The following CEBPG variants were observed in gnomAD, a reference collection of about 807,000 sequenced individuals.
CEBPG encodes CCAAT/enhancer-binding protein gamma.
Under a neutral mutation model 11.1 loss-of-function variants are expected in CEBPG, and 6 were observed. The ratio of observed to expected loss-of-function variants is 0.54; its 90% CI spans 0.30 to 1.07. The LOEUF (loss-of-function observed/expected upper bound fraction) is 1.07, where lower values mean the gene tolerates loss of function less well. CEBPG is among the 50% of genes least tolerant of loss of function. CEBPG has a pLI of 0.07. For synonymous variants in CEBPG, 66 were observed against 71.0 expected (o/e 0.93, Z 0.36); for missense variants, 161 against 187.4 (o/e 0.86, Z 0.82).
rs1967964321 is a variant in CEBPG at position 33,379,895 on chromosome 19, G to A, written c.*203G>A. The A allele has an allele frequency of 2.1e-6, 1 of 480,620 alleles. No homozygotes were observed. The highest frequency in any genetic ancestry group is 2.0e-5 in the African/African-American group (1 of 50,800). The allele number at this position is 480,620 out of a possible 1,614,324, so 29.8% of individuals were successfully genotyped here. A position where few individuals can be genotyped will look rare whatever the true frequency, so the allele number is the denominator to read the frequency against. On this transcript the variant is annotated 3_prime_UTR_variant, in exon 2 of 2. Coordinates refer to ENST00000284000, the MANE Select transcript of CEBPG (RefSeq NM_001806.4). ...CGAATATCTGGTTTTAAATGATAGA[G>A]GTTTTTGTGGGAATCAAAATCCCCC...
In CEBPG at chr19:33,379,628, C is replaced by G. The variant is rs1845083760; in HGVS notation, c.389C>G (p.Ala130Gly). Residue 130 changes from alanine (A) to glycine (G), a missense_variant, in exon 2 of 2, where the codon GCA (alanine) becomes GGA (glycine). Ala to Gly is a moderately conservative substitution (Grantham distance 60). Coordinates refer to ENST00000284000, the MANE Select transcript of CEBPG (RefSeq NM_001806.4). ...TTTCTTGAGCATGCACACAACCTTG[C>G]AGACAACGTACAGTCCATTAGCACT... ...DLFLEHAHNL[A>G]DNVQSISTEN... 1 of 1,613,972 alleles carries G rather than the reference C, an allele frequency of 6.2e-7. No individual in the cohort carries two copies. Among genetic ancestry groups the G allele is most frequent in the African/African-American group, 1.3e-5 (1 of 74,902 alleles).
chr19:33,378,764 T>C (rs887414774), intron 1 of CEBPG, among the ~76,000 whole-genome samples: 3 of 152,050 alleles, frequency 2.0e-5, no homozygotes, highest in Non-Finnish European at 4.4e-5. Flanking sequence ...TGGAAACTTT[T>C]CCCCCCTTTC....
intron 1 of CEBPG, among the ~76,000 whole-genome samples, chr19:33,375,509 G>A (rs1331528004): frequency 6.6e-6 from 1 of 152,164 alleles, no homozygotes; most frequent in Non-Finnish European, 1.5e-5. Context: ...GTAAAAAAAA[G>A]ACAAAAATGA....
Position 33,379,406 on chromosome 19 carries a change from C to T in CEBPG, c.167C>T (p.Ser56Leu), listed in dbSNP as rs769825804. 1.6e-5 allele frequency: 26 copies of T among 1,613,806 alleles called. No individual in the cohort carries two copies. The African/African-American group carries it at 2.7e-4, about 17-fold the overall frequency. The change falls in exon 2 of 2, where the codon TCG (serine) becomes TTG (leucine). Residue 56 changes from serine to leucine, a missense_variant. Ser to Leu is a moderately radical substitution (Grantham distance 145). Coordinates refer to ENST00000284000, the MANE Select transcript of CEBPG (RefSeq NM_001806.4). Reference protein sequence around the residue: ...VAPSKQSKKSSPMDRNSDEYR... With the variant: ...VAPSKQSKKSLPMDRNSDEYR... ...CCCAGCAAGCAGAGCAAAAAGAGTT[C>T]GCCCATGGATCGAAACAGTGACGAG...
chr19:33,375,511 C>A (rs1337082433), intron 1 of CEBPG, among the ~76,000 whole-genome samples: 1 of 152,110 alleles, frequency 6.6e-6, no homozygotes, highest in Non-Finnish European at 1.5e-5. Flanking sequence ...AAAAAAAAGA[C>A]AAAAATGAGC....
chr19:33,379,048 A>C, intron 1 of CEBPG, 96 bp from the exon 2 acceptor site: 3 of 492,330 alleles, frequency 6.1e-6, no homozygotes, highest in East Asian at 3.2e-5. Context: ...TCTCAGCAGA[A>C]TCAATTAATG....
chr19:33,376,562 T>A (rs1967914328), intron 1 of CEBPG, among the ~76,000 whole-genome samples: 1 of 152,180 alleles, frequency 6.6e-6, no homozygotes, highest in Non-Finnish European at 1.5e-5. Context: ...AAGTTACATT[T>A]CTAAAGAGTT....
At chr19:33,378,915 T>G (rs1384052367) in intron 1 of CEBPG, among the ~76,000 whole-genome samples, 6 of 152,236 alleles carry the variant, frequency 3.9e-5, no homozygotes, top group Non-Finnish European at 2.9e-5. Context: ...AGAGGGGCAG[T>G]GCCCTCAGGG....
chr19:33,379,021 C>T, intron 1 of CEBPG, 123 bp from the exon 2 acceptor site: 1 of 437,068 alleles, frequency 2.3e-6, no homozygotes, highest in East Asian at 3.5e-5. Context: ...GAACAGTTGG[C>T]AGTTGCTGTA....
intron 1 of CEBPG, among the ~76,000 whole-genome samples, chr19:33,378,702 G>T (rs949859763): frequency 5.9e-5 from 9 of 152,224 alleles, no homozygotes; most frequent in Non-Finnish European, 1.5e-5. Flanking sequence ...GCATGAGAGC[G>T]CTGGAGACAG....
At chr19:33,378,618 A>C (rs756138112) in intron 1 of CEBPG, among the ~76,000 whole-genome samples, 1 of 152,214 alleles carries the variant, frequency 6.6e-6, no homozygotes, top group Non-Finnish European at 1.5e-5. Context: ...CGATGAAGAG[A>C]GCTCTGGGAG....
At position 33,379,168 on chromosome 19, in the gene CEBPG, C is replaced by A; in HGVS notation, c.-72C>A. 1 of 1,381,350 alleles carries A rather than the reference C, an allele frequency of 7.2e-7. No homozygotes were observed. Among genetic ancestry groups the A allele is most frequent in the Non-Finnish European group, 9.6e-7 (1 of 1,036,876 alleles). The allele number at this position is 1,381,350 out of a possible 1,614,324, so 85.6% of individuals were successfully genotyped here. ...GGTACATGTGAAGATTTTTTGGCAG[C>A]TTAGCGTGGAAACCATTGATCACCC... On this transcript the variant is annotated 5_prime_UTR_variant, in exon 2 of 2. Coordinates refer to ENST00000284000, the MANE Select transcript of CEBPG (RefSeq NM_001806.4).
chr19:33,376,000 T>C (rs1967907070), intron 1 of CEBPG, among the ~76,000 whole-genome samples: 2 of 151,972 alleles, frequency 1.3e-5, no homozygotes, highest in African/African-American at 2.4e-5. Flanking sequence ...CCCTGAGAGA[T>C]GATAGTGGCC....
rs1429741556 is a variant in CEBPG at position 33,382,142 on chromosome 19, T to C, written c.*2450T>C. On this transcript the variant is annotated 3_prime_UTR_variant, in exon 2 of 2. Coordinates refer to ENST00000284000, the MANE Select transcript of CEBPG (RefSeq NM_001806.4). ...GGAGTTAGGCTTTAGCATAAATTTC[T>C]AGCTGCATCTGAGTCTCCTGGGATG... is the stretch of plus-strand genomic sequence containing the variant. 1 of 167,154 alleles carries C rather than the reference T, an allele frequency of 6.0e-6. No individual in the cohort carries two copies. Among genetic ancestry groups the C allele is most frequent in the Non-Finnish European group, 1.5e-5 (1 of 68,142 alleles). 10.4% of individuals were successfully genotyped at this position (167,154 alleles called of 1,614,324 possible). A position where few individuals can be genotyped will look rare whatever the true frequency, so the allele number is the denominator to read the frequency against.
At position 33,382,262 on chromosome 19, in the gene CEBPG, GATCACTAAGTAGTAAGA is replaced by G. The variant is rs1967999886; in HGVS notation, c.*2571_*2587del. The G allele has an allele frequency of 6.0e-6, 1 of 167,104 alleles. No homozygotes were observed. The highest frequency in any genetic ancestry group is 2.4e-5 in the African/African-American group (1 of 41,460). 10.4% of individuals were successfully genotyped at this position (167,104 alleles called of 1,614,324 possible). On this transcript the variant is annotated 3_prime_UTR_variant, in exon 2 of 2. Coordinates refer to ENST00000284000, the MANE Select transcript of CEBPG (RefSeq NM_001806.4). Reference sequence around the variant, plus strand: ...AATCAGTTGTTGGGATGCCAGTGCAGATCACTAAGTAGTAAGATTTTAATCAAACACGACCAGGTCCG... The same window carrying G: ...AATCAGTTGTTGGGATGCCAGTGCAGTTTTAATCAAACACGACCAGGTCCG...
intron 1 of CEBPG, among the ~76,000 whole-genome samples, chr19:33,376,179 A>T (rs1464247104): frequency 6.6e-6 from 1 of 152,164 alleles, no homozygotes; most frequent in African/African-American, 2.4e-5. Flanking sequence ...AAATCGAGTG[A>T]AAAATTTATT....
chr19:33,382,295 AC>A lies in CEBPG; in HGVS notation c.*2605del, dbSNP rs1328425503. The A allele has an allele frequency of 6.0e-6, 1 of 167,158 alleles. No homozygotes were observed. Among genetic ancestry groups the A allele is most frequent in the Non-Finnish European group, 1.5e-5 (1 of 68,140 alleles). 10.4% of individuals were successfully genotyped at this position (167,158 alleles called of 1,614,324 possible). On this transcript the variant is annotated 3_prime_UTR_variant, in exon 2 of 2. Coordinates refer to ENST00000284000, the MANE Select transcript of CEBPG (RefSeq NM_001806.4). The stretch of plus-strand genomic sequence containing the variant: ...AGTAGTAAGATTTTAATCAAACACG[AC>A]CAGGTCCGAAATGCAGGTCATGAGT...
At position 33,379,252 on chromosome 19, in the gene CEBPG, T is replaced by G; in HGVS notation, c.13T>G (p.Ser5Ala). ...GGAGAGTGCCCAAATGAGCAAGATA[T>G]CGCAGCAAAACAGCACTCCAGGGGT... MSKI[S>A]QQNSTPGVNG... The change falls in exon 2 of 2, where the codon TCG becomes GCG. Residue 5 changes from serine to alanine, a missense_variant. Physicochemically the swap from Ser to Ala is moderately conservative, Grantham distance 99 (BLOSUM62 1). Coordinates refer to ENST00000284000, the MANE Select transcript of CEBPG (RefSeq NM_001806.4). The G allele has an allele frequency of 6.5e-7, 1 of 1,541,806 alleles. No individual in the cohort carries two copies. Among genetic ancestry groups the G allele is most frequent in the Non-Finnish European group, 8.7e-7 (1 of 1,144,522 alleles).
In CEBPG at chr19:33,379,826, CA is replaced by C; in HGVS notation, c.*135del. ...CCCATTGGAGGCTATTTTCTGGGAT[CA>C]GCACTGAAGAGTTGATTAGCTAAAA... On this transcript the variant is annotated 3_prime_UTR_variant, in exon 2 of 2. Transcript: ENST00000284000. 1.3e-6 allele frequency: 1 copy of C among 787,498 alleles called. No individual in the cohort carries two copies. Among genetic ancestry groups the C allele is most frequent in the Non-Finnish European group, 2.0e-6 (1 of 496,612 alleles). 48.8% of individuals were successfully genotyped at this position (787,498 alleles called of 1,614,324 possible).
Sources: gnomAD v4.1 joint callset for allele counts (sites outside exome capture counted in the v4.1 genomes callset) on GRCh38, gnomAD v4.1.1 for gene constraint, MANE v1.5 for transcripts, NCBI Gene and HGNC (gene_info 2026-07-23, HGNC 2026-07-21) for gene names.